Variants in WWOX observed in about 807,000 individuals in gnomAD.
WWOX encodes the protein WW domain-containing oxidoreductase.
WWOX carries 69 observed loss-of-function variants against 46.2 expected under a neutral mutation model. The observed-to-expected ratio is 1.49, with a 90% CI of 1.23 to 1.82. The LOEUF (loss-of-function observed/expected upper bound fraction) is 1.82, where lower values mean the gene tolerates loss of function less well. Among genes scored for constraint, WWOX ranks in the 40% most tolerant of loss-of-function variants. The pLI is 0.00. For missense variants in WWOX, 919 were observed against 542.6 expected (o/e 1.69, Z -6.89); for synonymous variants, 359 against 202.6 (o/e 1.77, Z -6.56).
chr16:78,980,822 C>T (rs1297917022), intron 8 of WWOX, among the ~76,000 whole-genome samples: 1 of 152,176 alleles, frequency 6.6e-6, no homozygotes, highest in Non-Finnish European at 1.5e-5. Context: ...ATAGGGTTAT[C>T]TTGAAAGTCC....
At position 78,125,288 on chromosome 16, in the gene WWOX, C is replaced by T. The variant is rs116724634; in HGVS notation, c.409+10134C>T. 7.7e-3 allele frequency among the ~76,000 whole-genome samples: 1,178 copies of T among 152,156 alleles called. 15 individuals are homozygous for T. The highest frequency in any genetic ancestry group is 0.027 in the African/African-American group (1,115 of 41,500). ...TGCTTGAGATCATACAGGTCTTGGG[C>T]GGCGGGTGCCTGCAGGATAGATCAA... On this transcript the variant is annotated intron_variant, in intron 4 of 8. Transcript: ENST00000566780.
chr16:78,206,491 T>C (rs2036400569), intron 5 of WWOX, among the ~76,000 whole-genome samples: 1 of 152,184 alleles, frequency 6.6e-6, no homozygotes. Context: ...GGAGAAAGAC[T>C]GAGAGAAGTT....
At chr16:78,668,147 G>C (rs1020036602) in intron 8 of WWOX, among the ~76,000 whole-genome samples, 1 of 152,152 alleles carries the variant, frequency 6.6e-6, no homozygotes, top group Non-Finnish European at 1.5e-5. Flanking sequence ...AGCTGTGGTG[G>C]CACATGCCTG....
chr16:78,942,013 G>T (rs765975975), intron 8 of WWOX, among the ~76,000 whole-genome samples: 4 of 152,124 alleles, frequency 2.6e-5, no homozygotes, highest in Non-Finnish European at 5.9e-5. Context: ...AAGTATTGGC[G>T]AGCATTTCTT....
chr16:78,750,468 G>T (rs760614202), intron 8 of WWOX, among the ~76,000 whole-genome samples: 5 of 152,136 alleles, frequency 3.3e-5, no homozygotes, highest in South Asian at 2.1e-4. Flanking sequence ...TAAGTAAACT[G>T]GGATTTATTT....
At chr16:79,039,777 C>T (rs185454044) in intron 8 of WWOX, among the ~76,000 whole-genome samples, 387 of 152,286 alleles carry the variant, frequency 2.5e-3, no homozygotes, top group South Asian at 7.5e-3. Context: ...TTTCTCACCT[C>T]GAAATCTCCC....
intron 8 of WWOX, among the ~76,000 whole-genome samples, chr16:78,517,129 G>A (rs565291861): frequency 6.6e-6 from 1 of 152,242 alleles, no homozygotes; most frequent in African/African-American, 2.4e-5. Flanking sequence ...ATATGAAGCA[G>A]GTATCTGAGA....
intron 5 of WWOX, among the ~76,000 whole-genome samples, chr16:78,267,747 C>T (rs1237590311): frequency 1.3e-5 from 2 of 150,590 alleles, no homozygotes; most frequent in Non-Finnish European, 3.0e-5. Context: ...GGGATAGTAT[C>T]TGTTCCACCT....
intron 8 of WWOX, among the ~76,000 whole-genome samples, chr16:78,656,245 G>C (rs115283117): frequency 6.6e-6 from 1 of 151,996 alleles, no homozygotes; most frequent in Admixed American, 6.6e-5. Flanking sequence ...ATCATCCTTC[G>C]GTGGTAGATC....
At chr16:78,704,964 C>G (rs918742454) in intron 8 of WWOX, among the ~76,000 whole-genome samples, 19 of 150,312 alleles carry the variant, frequency 1.3e-4, no homozygotes, top group Admixed American at 5.3e-4. Flanking sequence ...AAACCAGCGA[C>G]AGTCTTGGTT....
At chr16:78,456,665 A>AT (rs1298205205) in intron 8 of WWOX, among the ~76,000 whole-genome samples, 2 of 152,210 alleles carry the variant, frequency 1.3e-5, no homozygotes, top group African/African-American at 4.8e-5. Context: ...ATCCTGATAT[A>AT]TTTTTTGTTG....
chr16:78,791,758 T>G (rs561109175), intron 8 of WWOX, among the ~76,000 whole-genome samples: 113 of 152,108 alleles, frequency 7.4e-4, no homozygotes, highest in African/African-American at 2.6e-3. Flanking sequence ...CGCCTGCCTA[T>G]AATTGCAGCT....
intron 8 of WWOX, among the ~76,000 whole-genome samples, chr16:78,768,313 G>GGTGCA (rs1412687068): frequency 3.4e-4 from 49 of 145,632 alleles, no homozygotes; most frequent in African/African-American, 1.1e-3. Context: ...TGCCTGGCTT[G>GGTGCA]GTGCAGTGGC....
chr16:78,906,502 G>T (rs2044968655), intron 8 of WWOX, among the ~76,000 whole-genome samples: 1 of 151,978 alleles, frequency 6.6e-6, no homozygotes. Flanking sequence ...CTCTTCACTT[G>T]TGCTGTGCAA....
At chr16:78,447,164 C>T (rs936947402) in intron 8 of WWOX, among the ~76,000 whole-genome samples, 5 of 152,128 alleles carry the variant, frequency 3.3e-5, no homozygotes, top group African/African-American at 9.7e-5. Context: ...AAATCTGGCT[C>T]AGTTCAAGTT....
chr16:79,075,860 ATTAAG>A (rs1490561985), intron 8 of WWOX, among the ~76,000 whole-genome samples: 2 of 152,202 alleles, frequency 1.3e-5, no homozygotes, highest in Non-Finnish European at 2.9e-5. Context: ...AAAAAAACAT[ATTAAG>A]TTATTTTTCA....
chr16:78,592,537 G>C (rs2045375799), intron 8 of WWOX, among the ~76,000 whole-genome samples: 1 of 152,174 alleles, frequency 6.6e-6, no homozygotes, highest in Non-Finnish European at 1.5e-5. Context: ...AGAGGAAGAA[G>C]ACAAGAATCA....
intron 8 of WWOX, among the ~76,000 whole-genome samples, chr16:78,969,934 AT>A (rs1329488903): frequency 6.6e-6 from 1 of 152,210 alleles, no homozygotes; most frequent in African/African-American, 2.4e-5. Flanking sequence ...GATTGTGGAA[AT>A]TCTTTCACAA....
chr16:78,669,331 G>A (rs1322794366), intron 8 of WWOX, among the ~76,000 whole-genome samples: 2 of 152,226 alleles, frequency 1.3e-5, no homozygotes, highest in Non-Finnish European at 2.9e-5. Context: ...TTGCAAGGGA[G>A]TCTGGAAAGG....
Sources: gnomAD v4.1 joint callset for allele counts (sites outside exome capture counted in the v4.1 genomes callset) on GRCh38, gnomAD v4.1.1 for gene constraint, MANE v1.5 for transcripts, NCBI Gene and HGNC (gene_info 2026-07-23, HGNC 2026-07-21) for gene names.